PDE12: variants seen among roughly 807,000 people sequenced by gnomAD.
PDE12 encodes the protein 2',5'-phosphodiesterase 12.
Under a neutral mutation model 45.4 loss-of-function variants are expected in PDE12, and 26 were observed. That is an observed-to-expected ratio of 0.57 (90% CI 0.42 to 0.79). The LOEUF is 0.79. Ranked by LOEUF, PDE12 falls within the 30% of genes least tolerant of loss-of-function variation. The pLI, the probability that PDE12 is intolerant of heterozygous loss-of-function variation, is 0.00. For missense variants in PDE12, 668 were observed against 790.0 expected, an observed-to-expected ratio of 0.85 and a Z score of 1.85; for synonymous variants, 283 against 323.9, an observed-to-expected ratio of 0.87 and a Z score of 1.36.
At chr3:57,631,237 C>A in the PDE12 span, 2 of 373,320 alleles carry the variant, frequency 5.4e-6, no homozygotes, top group South Asian at 7.0e-5. Context: ...TGTTCTGTTG[C>A]GCAGGCTGGA....
the PDE12 span, among the ~76,000 whole-genome samples, chr3:57,638,198 A>T: frequency 1.3e-5 from 2 of 152,138 alleles, no homozygotes; most frequent in African/African-American, 4.8e-5. Context: ...GCAAAAAGAC[A>T]ATACAAAATA....
Position 57,557,186 on chromosome 3 carries a change from G to T in PDE12, c.807G>T (p.Val269=). The change falls in exon 1 of 3, where the codon GTG becomes GTT. Residue 269 remains valine, a synonymous_variant. Coordinates refer to ENST00000311180, the MANE Select transcript of PDE12 (RefSeq NM_177966.7). ...GHSRELESVC[V]VEAGPGTCTF... ...GCCGGGAGTTGGAAAGTGTGTGTGT[G>T]GTAGAGGCTGGGCCTGGCACCTGCA... 1 of 1,614,046 alleles carries T rather than the reference G, an allele frequency of 6.2e-7. No individual in the cohort carries two copies. Among genetic ancestry groups the T allele is most frequent in the Admixed American group, 1.7e-5 (1 of 60,010 alleles).
the PDE12 span, among the ~76,000 whole-genome samples, chr3:57,578,150 T>C: frequency 6.6e-6 from 1 of 151,830 alleles, no homozygotes; most frequent in Non-Finnish European, 1.5e-5. Context: ...ATAGCGCGAG[T>C]GTGTACACTA....
At chr3:57,613,034 C>A in the PDE12 span, among the ~76,000 whole-genome samples, 4 of 151,848 alleles carry the variant, frequency 2.6e-5, no homozygotes, top group African/African-American at 9.7e-5. Flanking sequence ...AGGCTGGAGT[C>A]CAGTGGCATG....
At chr3:57,637,873 C>G in the PDE12 span, among the ~76,000 whole-genome samples, 1 of 151,446 alleles carries the variant, frequency 6.6e-6, no homozygotes, top group South Asian at 2.1e-4. Context: ...CAGTGGCTCA[C>G]GCTTGTAACC....
At chr3:57,645,634 T>G in the PDE12 span, 1 of 1,542,896 alleles carries the variant, frequency 6.5e-7, no homozygotes, top group Non-Finnish European at 8.9e-7. Context: ...AGGTAATACC[T>G]GGTCAATAGA....
Position 57,560,250 on chromosome 3 carries a change from A to T in PDE12, c.*246A>T. 2 of 1,233,732 alleles carry T rather than the reference A, an allele frequency of 1.6e-6. No homozygotes were observed. The highest frequency in any genetic ancestry group is 2.0e-6 in the Non-Finnish European group (2 of 987,134). 76.4% of individuals were successfully genotyped at this position (1,233,732 alleles called of 1,614,324 possible). A position where few individuals can be genotyped will look rare whatever the true frequency, so the allele number is the denominator to read the frequency against. On this transcript the variant is annotated 3_prime_UTR_variant, in exon 3 of 3. Transcript: ENST00000311180. ...TTCTTACTAGCAAAATAGAAAATTG[A>T]ATTATTTTTCTCCAAATTGAGACTC...
chr3:57,629,995 T>C, the PDE12 span, among the ~76,000 whole-genome samples: 1 of 152,168 alleles, frequency 6.6e-6, no homozygotes, highest in Admixed American at 6.6e-5. Flanking sequence ...CATTTGCCAA[T>C]TTCTGTGGTG....
At chr3:57,591,020 C>T in the PDE12 span, among the ~76,000 whole-genome samples, 1 of 152,130 alleles carries the variant, frequency 6.6e-6, no homozygotes, top group East Asian at 1.9e-4. Context: ...TCAGATGAGA[C>T]ATTTAATGTC....
At chr3:57,609,145 T>C in the PDE12 span, among the ~76,000 whole-genome samples, 3 of 152,110 alleles carry the variant, frequency 2.0e-5, no homozygotes, top group African/African-American at 7.2e-5. Flanking sequence ...ACTGGGTACA[T>C]AGCAAAATGA....
the PDE12 span, among the ~76,000 whole-genome samples, chr3:57,595,390 C>A: frequency 6.6e-6 from 1 of 152,214 alleles, no homozygotes; most frequent in Non-Finnish European, 1.5e-5. Flanking sequence ...AACTTCCGAT[C>A]CTTTTTCAGA....
the PDE12 span, among the ~76,000 whole-genome samples, chr3:57,574,909 C>T: frequency 2.0e-5 from 3 of 150,544 alleles, no homozygotes; most frequent in Non-Finnish European, 4.4e-5. Flanking sequence ...AGTGCAGTGG[C>T]GCGATCGCGA....
chr3:57,602,174 C>A, the PDE12 span, among the ~76,000 whole-genome samples: 2 of 152,124 alleles, frequency 1.3e-5, no homozygotes, highest in South Asian at 2.1e-4. Flanking sequence ...GTGCATTATC[C>A]CATTTAATCC....
At chr3:57,587,946 C>T in the PDE12 span, among the ~76,000 whole-genome samples, 1 of 152,182 alleles carries the variant, frequency 6.6e-6, no homozygotes, top group South Asian at 2.1e-4. Flanking sequence ...CTTTAATGCA[C>T]GAATTAAACA....
At chr3:57,596,791 C>A in the PDE12 span, 1 of 395,150 alleles carries the variant, frequency 2.5e-6, no homozygotes, top group Non-Finnish European at 4.7e-6. Context: ...CACATCTCTG[C>A]CCAATGTTGT....
the PDE12 span, among the ~76,000 whole-genome samples, chr3:57,611,182 G>A: frequency 6.6e-5 from 10 of 152,148 alleles, no homozygotes; most frequent in East Asian, 1.9e-4. Flanking sequence ...CTAGCCATAC[G>A]TAGAAAGCTG....
At chr3:57,613,735 C>T in the PDE12 span, among the ~76,000 whole-genome samples, 1 of 151,264 alleles carries the variant, frequency 6.6e-6, no homozygotes, top group Non-Finnish European at 1.5e-5. Context: ...CCCGTCTCTA[C>T]TAAAAATACA....
At chr3:57,603,623 T>G in the PDE12 span, among the ~76,000 whole-genome samples, 1 of 145,846 alleles carries the variant, frequency 6.9e-6, no homozygotes, top group South Asian at 2.2e-4. Context: ...GGCCAGAAAT[T>G]TTTTTTTTTT....
the PDE12 span, among the ~76,000 whole-genome samples, chr3:57,651,328 T>C: frequency 6.6e-6 from 1 of 152,208 alleles, no homozygotes; most frequent in Non-Finnish European, 1.5e-5. Context: ...AACCCCCTTA[T>C]AAGTCTAGGA....
Sources: gnomAD v4.1 joint callset for allele counts (sites outside exome capture counted in the v4.1 genomes callset) on GRCh38, gnomAD v4.1.1 for gene constraint, MANE v1.5 for transcripts, NCBI Gene and HGNC (gene_info 2026-07-23, HGNC 2026-07-21) for gene names.